Variants in GRIPAP1 observed in about 807,000 individuals in gnomAD.
The protein encoded by GRIPAP1 is GRIP1-associated protein 1.
GRIPAP1 carries 14 observed loss-of-function variants against 84.1 expected under a neutral mutation model. That is an observed-to-expected ratio of 0.17 (90% CI 0.11 to 0.26). The LOEUF (loss-of-function observed/expected upper bound fraction) is 0.26. GRIPAP1 is among the 10% of genes least tolerant of loss of function. The pLI, the probability that GRIPAP1 is intolerant of heterozygous loss-of-function variation, is 1.00. For synonymous variants in GRIPAP1, 261 were observed against 256.8 expected (o/e 1.02, Z -0.15); for missense variants, 518 against 674.2 (o/e 0.77, Z 2.57).
intron 25 of GRIPAP1, 119 bp from the exon 26 acceptor site, chrX:48,974,404 C>A: frequency 2.0e-6 from 1 of 488,859 alleles, no homozygotes; most frequent in South Asian, 3.2e-5. Flanking sequence ...TCAGCTGTGT[C>A]TGGCCTGGGA....
chrX:48,987,919 G>T, intron 12 of GRIPAP1, 42 bp from the exon 13 acceptor site: 1 of 940,729 alleles, frequency 1.1e-6, no homozygotes, highest in Non-Finnish European at 1.5e-6. Flanking sequence ...GTCCAGAACA[G>T]GGGGACAGGA....
At position 48,999,507 on chromosome X, in the gene GRIPAP1, T is replaced by G. The variant is rs1189816798; in HGVS notation, c.43-3A>C. 8 of 1,192,549 alleles carry G rather than the reference T, an allele frequency of 6.7e-6. No homozygotes were observed. The highest frequency in any genetic ancestry group is 9.1e-6 in the Non-Finnish European group (8 of 878,572). ...GTCCGGAGTTCCAGGAGCTGAGCCT[T>G]TGGGGGAGGCAGGAAGGGAAAAGAC... On this transcript the variant is annotated splice_polypyrimidine_tract_variant and splice_region_variant and intron_variant, in intron 1 of 25. Transcript: ENST00000376423.
chrX:48,984,282 GC>G (rs1557063074), intron 14 of GRIPAP1, among the ~76,000 whole-genome samples: 1 of 111,060 alleles, frequency 9.0e-6, no homozygotes, highest in Non-Finnish European at 1.9e-5. Flanking sequence ...CGTCTTGGAT[GC>G]CAAGATAAAA....
chrX:48,977,025 C>T (rs2064426500), intron 22 of GRIPAP1: 1 of 110,015 alleles, frequency 9.1e-6, no homozygotes, highest in Admixed American at 9.7e-5. Context: ...CCTGCCTCAG[C>T]CTCCCGAGTA....
intron 1 of GRIPAP1, among the ~76,000 whole-genome samples, chrX:49,001,289 C>A (rs190114083): frequency 9.1e-6 from 1 of 110,160 alleles, no homozygotes; most frequent in African/African-American, 3.3e-5. Flanking sequence ...TTCCCTCATT[C>A]AAGGACCAAT....
chrX:48,998,659 G>A (rs1287402379), intron 3 of GRIPAP1, among the ~76,000 whole-genome samples: 1 of 112,536 alleles, frequency 8.9e-6, no homozygotes, highest in Non-Finnish European at 1.9e-5. Context: ...GAGAAGTGCA[G>A]CTTCCTGACT....
At chrX:48,982,665 C>T (rs1336002727) in intron 17 of GRIPAP1, among the ~76,000 whole-genome samples, 1 of 112,679 alleles carries the variant, frequency 8.9e-6, no homozygotes, top group African/African-American at 3.2e-5. Context: ...CGTGAGCCAC[C>T]GCACCCAGCA....
chrX:48,982,818 C>A (rs2064465130), intron 17 of GRIPAP1, among the ~76,000 whole-genome samples, 161 bp downstream of exon 17: 1 of 112,540 alleles, frequency 8.9e-6, no homozygotes, highest in Non-Finnish European at 1.9e-5. Context: ...TGGCCATCCC[C>A]TGATCCACTC....
chrX:48,985,517 AAG>A (rs1161348692), intron 13 of GRIPAP1, 115 bp from the exon 14 acceptor site: 3 of 567,440 alleles, frequency 5.3e-6, no homozygotes, highest in Admixed American at 3.1e-5. Flanking sequence ...GAGAACCAGG[AAG>A]AGAGAGGAAA....
chrX:48,987,476 T>C (rs782524555), intron 13 of GRIPAP1, among the ~76,000 whole-genome samples: 2 of 88,655 alleles, frequency 2.3e-5, no homozygotes, highest in Admixed American at 1.3e-4. Flanking sequence ...AGACAGAGTA[T>C]TGCTCTGTCG....
intron 4 of GRIPAP1, 149 bp downstream of exon 4, chrX:48,998,005 A>G: frequency 1.9e-6 from 1 of 533,633 alleles, no homozygotes; most frequent in Non-Finnish European, 3.4e-6. Flanking sequence ...CAGGGAAACA[A>G]GGACAGATAC....
At position 49,002,244 on chromosome X, in the gene GRIPAP1, C is replaced by A. The variant is rs782775662; in HGVS notation, c.-15G>T. 3 of 1,098,481 alleles carry A rather than the reference C, an allele frequency of 2.7e-6. No individual in the cohort carries two copies. The highest frequency in any genetic ancestry group is 2.4e-5 in the Admixed American group (1 of 41,936). 90.5% of individuals were successfully genotyped at this position (1,098,481 alleles called of 1,213,427 possible). A position where few individuals can be genotyped will look rare whatever the true frequency, so the allele number is the denominator to read the frequency against. On this transcript the variant is annotated 5_prime_UTR_variant, in exon 1 of 26. Coordinates refer to ENST00000376423, the MANE Select transcript of GRIPAP1 (RefSeq NM_020137.5). The stretch of plus-strand genomic sequence containing the variant: ...GCTTGCGCCATGTTCCTCCCCCCAC[C>A]CCCCCGCCAGCTTTCTGCGCAGACG...
At chrX:48,981,111 C>A in intron 21 of GRIPAP1, 104 bp downstream of exon 21, 2 of 536,721 alleles carry the variant, frequency 3.7e-6, no homozygotes, top group Admixed American at 2.9e-5. Flanking sequence ...GCGACAGAAG[C>A]AGGAAAGCAC....
chrX:49,000,585 G>A (rs1557068294), intron 1 of GRIPAP1: 1 of 108,067 alleles, frequency 9.3e-6, no homozygotes, highest in Non-Finnish European at 1.9e-5. Context: ...CAGCTACTAG[G>A]GAAGCTGAGA....
Position 48,985,281 on chromosome X carries a change from T to C in GRIPAP1, c.1163A>G (p.Asn388Ser), listed in dbSNP as rs374612847. Reference sequence around the variant, plus strand: ...CAAAGGTGTTACCTGGAGCTGGGAGTTGAGGTCATCTTTCTGTCCCATAAG... The same window carrying C: ...CAAAGGTGTTACCTGGAGCTGGGAGCTGAGGTCATCTTTCTGTCCCATAAG... ...EDLMGQKDDL[N>S]SQLQESLRAN... The change falls in exon 14 of 26, where the codon AAC becomes AGC. Residue 388 changes from asparagine to serine, a missense_variant. Around this residue, in one of 5 missense-constraint regions of GRIPAP1, gnomAD observed 372 missense variants for 458.1 expected, o/e 0.81. Transcript: ENST00000376423. 50 of 1,206,106 alleles carry C rather than the reference T, an allele frequency of 4.1e-5. No individual in the cohort carries two copies. Among genetic ancestry groups the C allele is most frequent in the Middle Eastern group, 4.6e-4 (2 of 4,315 alleles).
chrX:48,987,146 C>A (rs1179260016), intron 13 of GRIPAP1, among the ~76,000 whole-genome samples: 3 of 72,559 alleles, frequency 4.1e-5, no homozygotes, highest in Non-Finnish European at 7.9e-5. Flanking sequence ...CCATGCCCGG[C>A]TTTTTTTTTT....
rs1557067006 is a variant in GRIPAP1 at position 48,997,284 on chromosome X, A to C, written c.272T>G (p.Leu91Trp). Residue 91 changes from leucine to tryptophan, a missense_variant, in exon 5 of 26, where the codon TTG becomes TGG. By Grantham distance (61) the Leu-to-Trp change is moderately conservative. This residue lies in a region of GRIPAP1 where 372 missense variants were observed against 458.1 expected (regional missense o/e 0.81). Coordinates refer to ENST00000376423, the MANE Select transcript of GRIPAP1 (RefSeq NM_020137.5). ...KLHSQEEDFR[L>W]QNSTLMAEFS... ...CTCGGCCATTAGTGTGCTGTTCTGC[A>C]AACGGAAGTCCTCCTCCTGGCTGTG... 8.5e-7 allele frequency: 1 copy of C among 1,182,526 alleles called. No homozygotes were observed. The highest frequency in any genetic ancestry group is 1.1e-6 in the Non-Finnish European group (1 of 874,060).
chrX:48,990,556 T>C, intron 8 of GRIPAP1, 129 bp downstream of exon 8: 1 of 518,163 alleles, frequency 1.9e-6, no homozygotes, highest in Non-Finnish European at 3.4e-6. Flanking sequence ...TGTGAGTCTC[T>C]CCATTTCACA....
rs1179708200 is a variant in GRIPAP1 at position 48,997,351 on chromosome X, C to T, written c.205G>A (p.Glu69Lys). The T allele has an allele frequency of 1.8e-6, 2 of 1,124,948 alleles. No individual in the cohort carries two copies. The highest frequency in any genetic ancestry group is 1.9e-5 in the South Asian group (1 of 52,425). The allele number at this position is 1,124,948 out of a possible 1,213,427, so 92.7% of individuals were successfully genotyped here. A position where few individuals can be genotyped will look rare whatever the true frequency, so the allele number is the denominator to read the frequency against. The change falls in exon 5 of 26, where the codon GAG (glutamate) becomes AAG (lysine). Residue 69 changes from glutamate to lysine, a missense_variant. Glu to Lys is a moderately conservative substitution (Grantham distance 56). Around this residue, in one of 5 missense-constraint regions of GRIPAP1, gnomAD observed 372 missense variants for 458.1 expected, o/e 0.81. Coordinates refer to ENST00000376423, the MANE Select transcript of GRIPAP1 (RefSeq NM_020137.5). ...ATCTCATTTTCACTCAGCAATACCT[C>T]GACTTCCTGCAGTGGCAGACAAGGG... is the stretch of plus-strand genomic sequence containing the variant. ...LSKSKKAQEVEVLLSENEMLQ... is the reference protein window; with the variant it reads ...LSKSKKAQEVKVLLSENEMLQ...
Sources: allele counts gnomAD v4.1 joint callset (sites outside exome capture counted in the v4.1 genomes callset), GRCh38; gene constraint gnomAD v4.1.1; regional missense constraint gnomAD v4.1.1; transcripts MANE v1.5; gene names NCBI Gene and HGNC (gene_info 2026-07-23, HGNC 2026-07-21).